The following MRPL49 variants were observed in gnomAD, a reference collection of about 807,000 sequenced individuals.
MRPL49 encodes mitochondrial ribosomal protein L49.
In MRPL49, 14 loss-of-function variants were observed where a neutral mutation model predicts 18.4. The observed-to-expected ratio is 0.76, with a 90% CI of 0.50 to 1.19. MRPL49 has a LOEUF of 1.19. Among genes scored for constraint, MRPL49 ranks in the 50% most tolerant of loss-of-function variants. The pLI is 0.00. For missense variants in MRPL49, 190 were observed against 217.8 expected (o/e 0.87, Z 0.80); for synonymous variants, 104 against 86.2 (o/e 1.21, Z -1.14).
chr11:65,122,212 A>T, upstream of MRPL49: 1 of 925,554 alleles, frequency 1.1e-6, no homozygotes, highest in Non-Finnish European at 1.6e-6. Flanking sequence ...GTTCCCTGCT[A>T]TTTGTACCGC....
intron 2 of MRPL49, 125 bp downstream of exon 2, chr11:65,124,777 G>C: frequency 9.3e-7 from 1 of 1,074,318 alleles, no homozygotes; most frequent in Non-Finnish European, 1.3e-6. Flanking sequence ...CAATCCCTCT[G>C]GGTTACATCT....
intron 1 of MRPL49, 63 bp downstream of exon 1, chr11:65,122,487 G>C (rs1268453907): frequency 6.7e-7 from 1 of 1,493,074 alleles, no homozygotes; most frequent in East Asian, 2.4e-5. Context: ...GTTAATCATT[G>C]TTAACCCCGA....
intron 2 of MRPL49, chr11:65,125,131 C>T: frequency 2.9e-6 from 1 of 348,140 alleles, no homozygotes; most frequent in Non-Finnish European, 5.3e-6. Flanking sequence ...GTGCTCAGTG[C>T]TTGCAAATCC....
rs906883421 is a variant in MRPL49 at position 65,125,355 on chromosome 11, CCT to C, written c.230-132_230-131del. ...CCAAGCTGAAGGAAAGAGGAGACCC[CCT>C]GACCTAAAGTCTGGAGGTGGCTTGG... On this transcript the variant is annotated intron_variant, in intron 2 of 3. Coordinates refer to ENST00000279242, the MANE Select transcript of MRPL49 (RefSeq NM_004927.4). 3 of 1,162,500 alleles carry C rather than the reference CCT, an allele frequency of 2.6e-6. No homozygotes were observed. In the African/African-American group the frequency reaches 4.7e-5, roughly 18 times the overall value. 72.0% of individuals were successfully genotyped at this position (1,162,500 alleles called of 1,614,324 possible).
chr11:65,127,216 T>C lies in MRPL49; in HGVS notation c.*1344T>C, dbSNP rs1022438777. 16 of 544,770 alleles carry C rather than the reference T, an allele frequency of 2.9e-5. No individual in the cohort carries two copies. The highest frequency in any genetic ancestry group is 4.9e-5 in the Non-Finnish European group (15 of 308,036). 33.7% of individuals were successfully genotyped at this position (544,770 alleles called of 1,614,324 possible). On this transcript the variant is annotated 3_prime_UTR_variant, in exon 4 of 4. Transcript: ENST00000279242. ...CTGGAGATTCCATTCCATTTTCAAGTGTACAGCCACAGCAAGGAGCCCGAC... is the reference window on the plus strand; with the variant it reads ...CTGGAGATTCCATTCCATTTTCAAGCGTACAGCCACAGCAAGGAGCCCGAC...
rs777199356 is a variant in MRPL49, at chr11:65,124,692, A to G, written c.229+40A>G. On this transcript the variant is annotated intron_variant, in intron 2 of 3. Transcript: ENST00000279242. The stretch of plus-strand genomic sequence containing the variant: ...TAGGGATGATTTGAAAGCTTCACGG[A>G]GCATCACCTCCTCCCCAGAGGTTGG... The G allele has an allele frequency of 1.5e-5, 24 of 1,604,080 alleles. No individual in the cohort carries two copies. The South Asian group carries it at 2.6e-4, about 17-fold the overall frequency.
At chr11:65,122,571 T>C (rs1948062579) in intron 1 of MRPL49, 147 bp downstream of exon 1, 3 of 701,938 alleles carry the variant, frequency 4.3e-6, no homozygotes, top group Middle Eastern at 2.5e-4. Context: ...AGTGTACATA[T>C]AGAATCGAGA....
At chr11:65,125,381 G>C in intron 2 of MRPL49, 107 bp from the exon 3 acceptor site, 2 of 1,452,444 alleles carry the variant, frequency 1.4e-6, no homozygotes, top group Non-Finnish European at 1.9e-6. Context: ...GAGGTGGCTT[G>C]GTCCAGCTGG....
rs1190682122 is a variant in MRPL49, at chr11:65,127,182, C to A, written c.*1310C>A. The A allele has an allele frequency of 5.1e-6, 3 of 585,088 alleles. No individual in the cohort carries two copies. The highest frequency in any genetic ancestry group is 2.6e-4 in the Middle Eastern group (1 of 3,896). The allele number at this position is 585,088 out of a possible 1,614,324, so 36.2% of individuals were successfully genotyped here. ...AGGATAGTGCTGGCTTCCATGGAAA[C>A]CCTCACTCCTGGAGATTCCATTCCA... On this transcript the variant is annotated 3_prime_UTR_variant, in exon 4 of 4. Coordinates refer to ENST00000279242, the MANE Select transcript of MRPL49 (RefSeq NM_004927.4).
chr11:65,127,012 G>C lies in MRPL49; in HGVS notation c.*1140G>C. The C allele has an allele frequency of 1.4e-6, 1 of 700,352 alleles. No individual in the cohort carries two copies. Among genetic ancestry groups the C allele is most frequent in the Non-Finnish European group, 2.6e-6 (1 of 384,020 alleles). 43.4% of individuals were successfully genotyped at this position (700,352 alleles called of 1,614,324 possible). ...GGCCAAAGGCCTGAGACCCCACCCT[G>C]CCCCCAAACTGGCTAAGACAGCTTT... On this transcript the variant is annotated 3_prime_UTR_variant, in exon 4 of 4. Coordinates refer to ENST00000279242, the MANE Select transcript of MRPL49 (RefSeq NM_004927.4).
At chr11:65,122,319 G>A (rs576919827), upstream of MRPL49, 11 of 1,607,284 alleles carry the variant, frequency 6.8e-6, no homozygotes, top group Non-Finnish European at 7.6e-6. Context: ...ACAGTTGCGC[G>A]CACAGAAGGC....
Position 65,124,577 on chromosome 11 carries a change from T to G in MRPL49, c.154T>G (p.Leu52Val), listed in dbSNP as rs761775883. 6.2e-7 allele frequency: 1 copy of G among 1,614,228 alleles called. No individual in the cohort carries two copies. The highest frequency in any genetic ancestry group is 8.5e-7 in the Non-Finnish European group (1 of 1,180,038). ...TGAATATCAGTTTGTGGAGCGCCTGTTACCGGCTACCAGGATCCCAGATCC... is the reference window on the plus strand; with the variant it reads ...TGAATATCAGTTTGTGGAGCGCCTGGTACCGGCTACCAGGATCCCAGATCC... The part of the protein sequence containing the change: ...VDEYQFVERL[L>V]PATRIPDPPK... The change falls in exon 2 of 4, where the codon TTA becomes GTA. Residue 52 changes from leucine to valine, a missense_variant. Transcript: ENST00000279242.
rs1477599610 is a variant in MRPL49, at chr11:65,126,868, CCTG to C, written c.*998_*1000del. The C allele has an allele frequency of 8.5e-6, 5 of 590,516 alleles. No homozygotes were observed. In the African/African-American group the frequency reaches 9.3e-5, roughly 11 times the overall value. The allele number at this position is 590,516 out of a possible 1,614,324, so 36.6% of individuals were successfully genotyped here. On this transcript the variant is annotated 3_prime_UTR_variant, in exon 4 of 4. Coordinates refer to ENST00000279242, the MANE Select transcript of MRPL49 (RefSeq NM_004927.4). ...GGGACATCCCCCTGCAGCCTTCTGA[CCTG>C]CAATCAAGGCTGGGGAGGGGTTTGC...
rs558337058 is a variant in MRPL49 at position 65,123,311 on chromosome 11, C to T, written c.78+887C>T. On this transcript the variant is annotated intron_variant, in intron 1 of 3. Coordinates refer to ENST00000279242, the MANE Select transcript of MRPL49 (RefSeq NM_004927.4). ...TTTCCATCCCATCTGTACCCTGCAC[C>T]ATGGAAAACCAAAGACTGGTGCTAT... 8.5e-5 allele frequency among the ~76,000 whole-genome samples: 13 copies of T among 152,290 alleles called. No individual in the cohort carries two copies. In the East Asian group the frequency reaches 2.1e-3, roughly 25 times the overall value.
chr11:65,124,432 T>A, intron 1 of MRPL49, 70 bp from the exon 2 acceptor site: 1 of 1,436,120 alleles, frequency 7.0e-7, no homozygotes, highest in Admixed American at 1.9e-5. Context: ...TTCCATTCTC[T>A]ACTTACTGAA....
rs1296535252 is a variant in MRPL49, at chr11:65,126,683, T to C, written c.*811T>C. ...ACTCGGGCATGGGTCTTGGAGATCT[T>C]CTGTTCAAAGTACAGTGCTGGCACT... On this transcript the variant is annotated 3_prime_UTR_variant, in exon 4 of 4. Transcript: ENST00000279242. 1.2e-5 allele frequency: 4 copies of C among 323,002 alleles called. No homozygotes were observed. Among genetic ancestry groups the C allele is most frequent in the African/African-American group, 2.1e-5 (1 of 47,100 alleles). The allele number at this position is 323,002 out of a possible 1,614,324, so 20.0% of individuals were successfully genotyped here.
rs1948080602 is a variant in MRPL49 at position 65,124,374 on chromosome 11, C to T, written c.79-128C>T. 3.2e-6 allele frequency: 3 copies of T among 943,092 alleles called. No individual in the cohort carries two copies. The Admixed American group carries it at 7.6e-5, about 24-fold the overall frequency. 58.4% of individuals were successfully genotyped at this position (943,092 alleles called of 1,614,324 possible). On this transcript the variant is annotated intron_variant, in intron 1 of 3. Coordinates refer to ENST00000279242, the MANE Select transcript of MRPL49 (RefSeq NM_004927.4). ...TCCATTTTGATTCTGATAGCTTTCA[C>T]ACCGTCGCCCAGCCTTTTATTTATG...
chr11:65,124,954 A>G (rs1264278858), intron 2 of MRPL49: 1 of 335,204 alleles, frequency 3.0e-6, no homozygotes, highest in African/African-American at 2.1e-5. Flanking sequence ...ATGTACTGTA[A>G]TTAAGAACAC....
upstream of MRPL49, chr11:65,122,199 G>C: frequency 1.3e-6 from 1 of 754,670 alleles, no homozygotes; most frequent in Non-Finnish European, 2.2e-6. Context: ...GAGCGACCGC[G>C]CGGTTCCCTG....
Sources: gnomAD v4.1 joint callset for allele counts (sites outside exome capture counted in the v4.1 genomes callset) on GRCh38, gnomAD v4.1.1 for gene constraint, MANE v1.5 for transcripts, NCBI Gene and HGNC (gene_info 2026-07-23, HGNC 2026-07-21) for gene names.